The following CDK5RAP2 variants were observed in gnomAD, a reference collection of about 807,000 sequenced individuals.
CDK5RAP2 encodes the protein CDK5 regulatory subunit associated protein 2.
In CDK5RAP2, 147 loss-of-function variants were observed where a neutral mutation model predicts 232.9. The observed-to-expected ratio is 0.63, with a 90% confidence interval of 0.55 to 0.72. The LOEUF is 0.72. Among genes scored for constraint, CDK5RAP2 ranks in the 30% least tolerant of loss-of-function variants. The pLI, the probability that CDK5RAP2 is intolerant of heterozygous loss-of-function variation, is 0.00. For synonymous variants in CDK5RAP2, 833 were observed against 833.7 expected (o/e 1.00, Z 0.01); for missense variants, 2,195 against 2,231.5 (o/e 0.98, Z 0.33).
At chr9:120,418,783 T>G (rs577318348) in intron 27 of CDK5RAP2, among the ~76,000 whole-genome samples, 1 of 152,292 alleles carries the variant, frequency 6.6e-6, no homozygotes, top group African/African-American at 2.4e-5. Flanking sequence ...ACTCTAGGTA[T>G]GTCTTCTGTC....
chr9:120,498,132 GC>G (rs1220572409), intron 12 of CDK5RAP2, among the ~76,000 whole-genome samples: 1 of 152,178 alleles, frequency 6.6e-6, no homozygotes, highest in African/African-American at 2.4e-5. Flanking sequence ...TCACGTGCTT[GC>G]CCTTTCCCAT....
At chr9:120,511,269 C>T (rs561453274) in intron 12 of CDK5RAP2, among the ~76,000 whole-genome samples, 9 of 152,286 alleles carry the variant, frequency 5.9e-5, no homozygotes, top group South Asian at 2.1e-4. Flanking sequence ...AATTCAAGAA[C>T]GCTACAAAAA....
chr9:120,477,773 T>C (rs1314638695), intron 14 of CDK5RAP2, among the ~76,000 whole-genome samples: 3 of 152,196 alleles, frequency 2.0e-5, no homozygotes, highest in Admixed American at 2.0e-4. Context: ...TCATCGTTTT[T>C]AAAACACTAC....
chr9:120,513,417 TC>T (rs1318551509), intron 12 of CDK5RAP2, among the ~76,000 whole-genome samples: 2 of 152,132 alleles, frequency 1.3e-5, no homozygotes, highest in Non-Finnish European at 2.9e-5. Flanking sequence ...TCCAAGGCTC[TC>T]CACAAGCCAA....
rs1305903935 is a variant in CDK5RAP2 at position 120,448,063 on chromosome 9, G to T, written c.2857C>A (p.Arg953Ser). 6.2e-7 allele frequency: 1 copy of T among 1,614,136 alleles called. No individual in the cohort carries two copies. Residue 953 changes from arginine (R) to serine (S), a missense_variant, in exon 22 of 38, where the codon CGT (arginine) becomes AGT (serine). Coordinates refer to ENST00000349780, the MANE Select transcript of CDK5RAP2 (RefSeq NM_018249.6). ...KPSRSLGNMY[R>S]LPATQEVVTQ... ...ACCACCTCCTGGGTGGCAGGGAGAC[G>T]ATACATATTTCCTAATGACCGGGAT...
intron 32 of CDK5RAP2, among the ~76,000 whole-genome samples, chr9:120,404,798 T>A (rs1005980625): frequency 2.0e-5 from 3 of 151,858 alleles, no homozygotes; most frequent in Non-Finnish European, 4.4e-5. Context: ...ATCTGGGGGG[T>A]GATGTATTTG....
intron 12 of CDK5RAP2, among the ~76,000 whole-genome samples, chr9:120,499,312 G>C (rs2039466594): frequency 6.6e-6 from 1 of 152,270 alleles, no homozygotes; most frequent in East Asian, 1.9e-4. Context: ...CTAATGCTGG[G>C]AGACAAACAC....
At chr9:120,448,179 T>C (rs1282054056) in intron 21 of CDK5RAP2, 53 bp from the exon 22 acceptor site, 15 of 1,413,756 alleles carry the variant, frequency 1.1e-5, no homozygotes, top group Non-Finnish European at 1.4e-5. Flanking sequence ...CTTCCTTTGG[T>C]TGCACAGTCA....
chr9:120,527,916 C>T lies in CDK5RAP2; in HGVS notation c.889G>A (p.Glu297Lys). The T allele has an allele frequency of 1.9e-6, 3 of 1,613,790 alleles. No homozygotes were observed. Among genetic ancestry groups the T allele is most frequent in the Non-Finnish European group, 2.5e-6 (3 of 1,179,978 alleles). ...SFEERIQALE[E>K]DLREKEREIA... ...TCTCTTTCCTTCTCTCTCAGGTCCTCTTCAAGTGCCTAAATTAGATTAGAA... is the reference window on the plus strand; with the variant it reads ...TCTCTTTCCTTCTCTCTCAGGTCCTTTTCAAGTGCCTAAATTAGATTAGAA... The change falls in exon 10 of 38, where the codon GAG becomes AAG. Residue 297 changes from glutamate to lysine, a missense_variant. Coordinates refer to ENST00000349780, the MANE Select transcript of CDK5RAP2 (RefSeq NM_018249.6).
chr9:120,407,316 C>T (rs1182254581), intron 31 of CDK5RAP2, 68 bp from the exon 32 acceptor site: 27 of 1,210,520 alleles, frequency 2.2e-5, no homozygotes, highest in Admixed American at 1.0e-4. Context: ...CGAAGGAACT[C>T]AATCGCATTT....
At chr9:120,536,282 G>T (rs2041380773) in intron 7 of CDK5RAP2, 90 bp downstream of exon 7, 1 of 1,401,900 alleles carries the variant, frequency 7.1e-7, no homozygotes, top group Non-Finnish European at 1.0e-6. Context: ...TGGGGAGAAG[G>T]GAGGGATAAA....
intron 15 of CDK5RAP2, among the ~76,000 whole-genome samples, chr9:120,473,972 A>C (rs1218064413): frequency 2.6e-5 from 4 of 152,182 alleles, no homozygotes; most frequent in African/African-American, 9.7e-5. Context: ...AGAAAAAAAC[A>C]AAAACCTTCC....
chr9:120,556,371 A>AT (rs1274864136), intron 3 of CDK5RAP2, among the ~76,000 whole-genome samples: 1 of 151,888 alleles, frequency 6.6e-6, no homozygotes, highest in African/African-American at 2.4e-5. Flanking sequence ...CTCATCACGT[A>AT]TTTTTTTCAG....
chr9:120,555,554 C>T (rs2042198309), intron 3 of CDK5RAP2, among the ~76,000 whole-genome samples: 1 of 152,120 alleles, frequency 6.6e-6, no homozygotes, highest in Non-Finnish European at 1.5e-5. Context: ...ATTTTTTAAT[C>T]GATAATACCA....
In CDK5RAP2 at chr9:120,403,966, T is replaced by C; in HGVS notation, c.5041+70A>G. The C allele has an allele frequency of 9.2e-7, 1 of 1,087,000 alleles. No homozygotes were observed. Among genetic ancestry groups the C allele is most frequent in the South Asian group, 1.2e-5 (1 of 80,120 alleles). 67.3% of individuals were successfully genotyped at this position (1,087,000 alleles called of 1,614,324 possible). ...CTGAGTTGGGACCAGGGACCCCCCTTTTCTGCAAGTTAAAAAGTCTTACTG... is the reference window on the plus strand; with the variant it reads ...CTGAGTTGGGACCAGGGACCCCCCTCTTCTGCAAGTTAAAAAGTCTTACTG... On this transcript the variant is annotated intron_variant, in intron 33 of 37. Transcript: ENST00000349780. This position sits in a 1 kb window ranked among gnomAD's most constrained non-coding sequence, Gnocchi z 4.2.
intron 3 of CDK5RAP2, among the ~76,000 whole-genome samples, chr9:120,552,373 G>A (rs1198470115): frequency 1.3e-5 from 2 of 152,046 alleles, no homozygotes; most frequent in South Asian, 2.1e-4. Flanking sequence ...AAATCATGCT[G>A]CTATAAAGAC....
intron 6 of CDK5RAP2, chr9:120,536,746 C>G (rs2041409356): frequency 3.3e-6 from 2 of 614,814 alleles, no homozygotes; most frequent in Non-Finnish European, 2.9e-6. Flanking sequence ...ATGGAAAAGA[C>G]TCAACTCTGT....
intron 30 of CDK5RAP2, 32 bp downstream of exon 30, chr9:120,409,095 C>T: frequency 6.2e-7 from 1 of 1,606,148 alleles, no homozygotes; most frequent in South Asian, 1.1e-5. Flanking sequence ...CGTGGTACGG[C>T]CAGCAGGCCA....
chr9:120,390,016 C>A, intron 36 of CDK5RAP2: 1 of 558,860 alleles, frequency 1.8e-6, no homozygotes, highest in Admixed American at 2.5e-5. Flanking sequence ...CCCGCTAAGC[C>A]ACCACCTGAC....
Sources: allele counts gnomAD v4.1 joint callset (sites outside exome capture counted in the v4.1 genomes callset), GRCh38; gene constraint gnomAD v4.1.1; non-coding constraint Gnocchi (gnomAD v3.1); transcripts MANE v1.5; gene names NCBI Gene and HGNC (gene_info 2026-07-23, HGNC 2026-07-21).